The following PTPRD variants were observed in gnomAD, a reference collection of about 807,000 sequenced individuals.
PTPRD encodes the protein receptor-type tyrosine-protein phosphatase delta.
In PTPRD, 34 loss-of-function variants were observed where a neutral mutation model predicts 214.5. That is an observed-to-expected ratio of 0.16 (90% CI 0.12 to 0.21). The LOEUF (loss-of-function observed/expected upper bound fraction) is 0.21, where lower values mean the gene tolerates loss of function less well. Among genes scored for constraint, PTPRD ranks in the 10% least tolerant of loss-of-function variants. The pLI is 1.00. For missense variants in PTPRD, 2,545 were observed against 2,398.7 expected, an observed-to-expected ratio of 1.06 and a Z score of -1.27; for synonymous variants, 1,128 against 845.7, an observed-to-expected ratio of 1.33 and a Z score of -5.79.
chr9:9,161,438 A>G (rs1006815595), intron 10 of PTPRD, among the ~76,000 whole-genome samples: 21 of 152,124 alleles, frequency 1.4e-4, no homozygotes, highest in African/African-American at 5.1e-4. Flanking sequence ...TATTTGCTAA[A>G]GTGATCACAA....
intron 5 of PTPRD, among the ~76,000 whole-genome samples, chr9:9,885,377 C>T (rs906279707): frequency 5.9e-5 from 9 of 151,896 alleles, no homozygotes; most frequent in African/African-American, 2.2e-4. Context: ...AATCTTTAAC[C>T]TACACAAAAG....
chr9:8,868,194 T>A (rs2154547079), intron 11 of PTPRD, among the ~76,000 whole-genome samples: 1 of 152,168 alleles, frequency 6.6e-6, no homozygotes, highest in Admixed American at 6.6e-5. Flanking sequence ...ATCTATATTT[T>A]AATTCATTTA....
At position 8,528,669 on chromosome 9, in the gene PTPRD, G is replaced by A. The variant is rs2139465828; in HGVS notation, c.463C>T (p.Pro155Ser). The stretch of plus-strand genomic sequence containing the variant: ...AAATCTTTAAACCAAGTGATTTCTG[G>A]ATCCGGATTACCACTGGCTGCACAA... ...MLCAASGNPDPEITWFKDFLP... is the reference protein window; with the variant it reads ...MLCAASGNPDSEITWFKDFLP... Residue 155 changes from proline (P) to serine (S), a missense_variant, in exon 15 of 46, where the codon CCA becomes TCA. Pro to Ser is a moderately conservative substitution (Grantham distance 74). Transcript: ENST00000381196. 3 of 1,613,692 alleles carry A rather than the reference G, an allele frequency of 1.9e-6. No individual in the cohort carries two copies. The highest frequency in any genetic ancestry group is 1.1e-5 in the South Asian group (1 of 91,078).
intron 3 of PTPRD, among the ~76,000 whole-genome samples, chr9:10,133,523 G>A (rs1476013700): frequency 6.6e-6 from 1 of 151,234 alleles, no homozygotes. Context: ...ATGTGTACGT[G>A]CACAAATAAC....
chr9:8,574,721 T>A (rs1200339670), intron 14 of PTPRD, among the ~76,000 whole-genome samples: 1 of 152,072 alleles, frequency 6.6e-6, no homozygotes, highest in Admixed American at 6.6e-5. Flanking sequence ...TAAATATCCA[T>A]CTTCAGCCAG....
At chr9:9,180,608 T>C (rs1392041547) in intron 10 of PTPRD, among the ~76,000 whole-genome samples, 3 of 152,030 alleles carry the variant, frequency 2.0e-5, no homozygotes, top group Admixed American at 2.0e-4. Context: ...AGTAATAAAA[T>C]TAAAAAATAT....
chr9:9,686,223 A>G (rs755911924), intron 7 of PTPRD, among the ~76,000 whole-genome samples: 13 of 151,358 alleles, frequency 8.6e-5, no homozygotes, highest in Non-Finnish European at 1.6e-4. Flanking sequence ...CAGATGTTGT[A>G]ATACTGTATT....
At chr9:8,934,462 TAAATATA>T (rs1567098981) in intron 11 of PTPRD, among the ~76,000 whole-genome samples, 1 of 29,748 alleles carries the variant, frequency 3.4e-5, no homozygotes, top group Non-Finnish European at 4.9e-5. Flanking sequence ...TATATATATA[TAAATATA>T]TATATATAAA....
At chr9:9,646,323 G>A (rs2096169879) in intron 7 of PTPRD, among the ~76,000 whole-genome samples, 1 of 122,362 alleles carries the variant, frequency 8.2e-6, no homozygotes, top group Non-Finnish European at 2.0e-5. Context: ...GTGTGGGTGT[G>A]TGTGTGTGTG....
intron 5 of PTPRD, among the ~76,000 whole-genome samples, chr9:9,825,253 G>T (rs1194024355): frequency 6.6e-6 from 1 of 151,650 alleles, no homozygotes; most frequent in Admixed American, 6.6e-5. Context: ...TCAAAATAAA[G>T]ATTTAAGAGC....
At chr9:10,002,203 T>C (rs1369963447) in intron 4 of PTPRD, among the ~76,000 whole-genome samples, 1 of 150,362 alleles carries the variant, frequency 6.7e-6, no homozygotes, top group African/African-American at 2.4e-5. Flanking sequence ...CAAACTGGTA[T>C]ACTAAAAATG....
intron 11 of PTPRD, among the ~76,000 whole-genome samples, chr9:8,806,727 G>A (rs2154521032): frequency 6.6e-6 from 1 of 152,240 alleles, no homozygotes; most frequent in South Asian, 2.1e-4. Flanking sequence ...ATGTTTTAAT[G>A]TGTTCCATCT....
chr9:9,430,223 T>C (rs1348926026), intron 8 of PTPRD, among the ~76,000 whole-genome samples: 1 of 152,176 alleles, frequency 6.6e-6, no homozygotes, highest in Non-Finnish European at 1.5e-5. Flanking sequence ...ACAAAATCAA[T>C]GTGCAAAAAT....
intron 2 of PTPRD, among the ~76,000 whole-genome samples, chr9:10,415,930 G>A (rs955227317): frequency 3.3e-5 from 5 of 151,870 alleles, no homozygotes; most frequent in African/African-American, 1.2e-4. Flanking sequence ...ATTTACAGGA[G>A]AGTCTAAGCA....
intron 31 of PTPRD, among the ~76,000 whole-genome samples, chr9:8,465,923 G>C (rs2096535918): frequency 6.6e-6 from 1 of 151,824 alleles, no homozygotes; most frequent in East Asian, 1.9e-4. Flanking sequence ...AGGGCAATGA[G>C]GTCCTTTGCT....
intron 3 of PTPRD, among the ~76,000 whole-genome samples, chr9:10,262,727 C>T (rs1358557419): frequency 6.6e-6 from 1 of 152,092 alleles, no homozygotes; most frequent in Non-Finnish European, 1.5e-5. Flanking sequence ...ATTAGGAAGC[C>T]AAAGGTGATA....
intron 3 of PTPRD, among the ~76,000 whole-genome samples, chr9:10,094,466 T>A (rs894025003): frequency 1.3e-5 from 2 of 150,618 alleles, no homozygotes; most frequent in African/African-American, 2.4e-5. Flanking sequence ...AATTAATAGA[T>A]CTAAGAAACC....
At chr9:10,045,956 A>T (rs556690914) in intron 3 of PTPRD, among the ~76,000 whole-genome samples, 4 of 151,940 alleles carry the variant, frequency 2.6e-5, no homozygotes, top group African/African-American at 9.6e-5. Flanking sequence ...AACTAAATAT[A>T]AATCTATCAA....
intron 11 of PTPRD, among the ~76,000 whole-genome samples, chr9:8,811,364 A>G (rs1028862900): frequency 4.7e-4 from 71 of 152,258 alleles, no homozygotes; most frequent in African/African-American, 1.7e-3. Context: ...CTATGAGCAC[A>G]ACCTGTTTAT....
Sources: allele counts gnomAD v4.1 joint callset (sites outside exome capture counted in the v4.1 genomes callset), GRCh38; gene constraint gnomAD v4.1.1; transcripts MANE v1.5; gene names NCBI Gene and HGNC (gene_info 2026-07-23, HGNC 2026-07-21).